The following TEX15 variants were observed in gnomAD, a reference collection of about 807,000 sequenced individuals.
The protein encoded by TEX15 is testis-expressed protein 15.
Under a neutral mutation model 237.3 loss-of-function variants are expected in TEX15, and 171 were observed. The ratio of observed to expected loss-of-function variants is 0.72; its 90% CI spans 0.64 to 0.82. The LOEUF is 0.82. Ranked by LOEUF, TEX15 falls within the 40% of genes least tolerant of loss-of-function variation. The pLI is 0.00. For missense variants in TEX15, 3,750 were observed against 3,646.5 expected (o/e 1.03, Z -0.73); for synonymous variants, 1,338 against 1,269.8 (o/e 1.05, Z -1.14).
chr8:30,899,842 C>T (rs544099871), intron 1 of TEX15, among the ~76,000 whole-genome samples: 1 of 152,224 alleles, frequency 6.6e-6, no homozygotes, highest in East Asian at 1.9e-4. Context: ...ATCCTAATGA[C>T]CTATTATAAT....
At position 30,847,856 on chromosome 8, in the gene TEX15, T is replaced by C. The variant is rs376078759; in HGVS notation, c.2311A>G (p.Ile771Val). 8.7e-6 allele frequency: 14 copies of C among 1,613,842 alleles called. No individual in the cohort carries two copies. Among genetic ancestry groups the C allele is most frequent in the African/African-American group, 5.3e-5 (4 of 74,944 alleles). ...ITEAFPKPKDIPQAKEMFIDT... is the reference protein window; with the variant it reads ...ITEAFPKPKDVPQAKEMFIDT... ...ATGAACATTTCTTTGGCCTGGGGTATGTCTTTTGGTTTCGGGAAAGCTTCA... is the reference window on the plus strand; with the variant it reads ...ATGAACATTTCTTTGGCCTGGGGTACGTCTTTTGGTTTCGGGAAAGCTTCA... Residue 771 changes from isoleucine (I) to valine (V), a missense_variant, in exon 8 of 11, where the codon ATA (isoleucine) becomes GTA (valine). Transcript: ENST00000643185.
At chr8:30,898,072 T>C (rs1476900077) in intron 2 of TEX15, among the ~76,000 whole-genome samples, 4 of 152,344 alleles carry the variant, frequency 2.6e-5, no homozygotes, top group Admixed American at 6.5e-5. Context: ...AAATTAGTTA[T>C]TGAAAGTGTC....
intron 1 of TEX15, among the ~76,000 whole-genome samples, chr8:30,901,080 A>G (rs1045234011): frequency 6.6e-6 from 1 of 152,194 alleles, no homozygotes. Context: ...CAAGGCTGCA[A>G]TGAGCTGTGT....
Position 30,842,024 on chromosome 8 carries a change from A to C in TEX15, c.8143T>G (p.Ser2715Ala), listed in dbSNP as rs201948927. ...CATACCTTTAGCTTTTTACAACTGGAAACAGTAGTATCTTGCTGTTGTTCC... is the reference window on the plus strand; with the variant it reads ...CATACCTTTAGCTTTTTACAACTGGCAACAGTAGTATCTTGCTGTTGTTCC... ...SQEQQQDTTVSSCKKLKVDMK... is the reference protein window; with the variant it reads ...SQEQQQDTTVASCKKLKVDMK... Residue 2715 changes from serine to alanine, a missense_variant, in exon 8 of 11, where the codon TCC (serine) becomes GCC (alanine). By Grantham distance (99) the Ser-to-Ala change is moderately conservative. Coordinates refer to ENST00000643185, the MANE Select transcript of TEX15 (RefSeq NM_001350162.2). 1.4e-5 allele frequency: 22 copies of C among 1,584,466 alleles called. No homozygotes were observed. In the African/African-American group the frequency reaches 2.7e-4, roughly 20 times the overall value.
At chr8:30,880,736 T>C (rs1808502036) in intron 3 of TEX15, among the ~76,000 whole-genome samples, 1 of 151,592 alleles carries the variant, frequency 6.6e-6, no homozygotes, top group Non-Finnish European at 1.5e-5. Context: ...GCTATTTGTG[T>C]TAAAAGTTAA....
At chr8:30,875,262 T>C (rs919884112) in intron 3 of TEX15, among the ~76,000 whole-genome samples, 160 bp from the exon 4 acceptor site, 4 of 152,228 alleles carry the variant, frequency 2.6e-5, no homozygotes, top group African/African-American at 9.6e-5. Flanking sequence ...AACAGTAATG[T>C]AGACCTCCTA....
intron 4 of TEX15, among the ~76,000 whole-genome samples, chr8:30,872,851 AG>A (rs775020945): frequency 2.6e-5 from 4 of 152,214 alleles, no homozygotes; most frequent in African/African-American, 4.8e-5. Context: ...TTATTACAAA[AG>A]GGTCAAAAAG....
chr8:30,852,100 CTTTT>C (rs910989172), intron 7 of TEX15, among the ~76,000 whole-genome samples: 8 of 90,408 alleles, frequency 8.8e-5, no homozygotes, highest in Admixed American at 3.9e-4. Flanking sequence ...TTAATTTAAT[CTTTT>C]TTTTTTTTTT....
chr8:30,865,442 C>T (rs1480669171), intron 5 of TEX15, among the ~76,000 whole-genome samples: 1 of 152,120 alleles, frequency 6.6e-6, no homozygotes, highest in Non-Finnish European at 1.5e-5. Context: ...GGAGGAGATA[C>T]TTCCAAACTC....
Position 30,848,062 on chromosome 8 carries a change from T to C in TEX15, c.2105A>G (p.Asp702Gly). ...KSSTSTIKDKDELDHLALEWQ... is the reference protein window; with the variant it reads ...KSSTSTIKDKGELDHLALEWQ... ...TTCCAATGCTAGATGATCTAGTTCA[T>C]CCTTATCCTTTATGGTAGATGTAGA... The change falls in exon 8 of 11, where the codon GAT becomes GGT. Residue 702 changes from aspartate (D) to glycine (G), a missense_variant. By Grantham distance (94) the Asp-to-Gly change is moderately conservative. Transcript: ENST00000643185. 1.2e-6 allele frequency: 2 copies of C among 1,613,660 alleles called. No homozygotes were observed. The highest frequency in any genetic ancestry group is 3.3e-5 in the Admixed American group (2 of 60,000).
Position 30,909,157 on chromosome 8 carries a change from A to T in TEX15, c.-86+3722T>A. Among the ~76,000 whole-genome samples, 2 of 152,160 alleles carry T rather than the reference A, an allele frequency of 1.3e-5. 1 individual carries two copies. Among genetic ancestry groups the T allele is most frequent in the African/African-American group, 4.8e-5 (2 of 41,448 alleles). ...GACAAACTAGATACTCAAATCAGTT[A>T]TTTTATTAATCATTATCCTAAAAAA... On this transcript the variant is annotated intron_variant, in intron 1 of 10. Transcript: ENST00000643185.
In TEX15 at chr8:30,837,552, A is replaced by C. The variant is rs768480052; in HGVS notation, c.8732T>G (p.Met2911Arg). ...FVKDVHPDLEMNDTVFELQDN... is the reference protein window; with the variant it reads ...FVKDVHPDLERNDTVFELQDN... ...TTGAAGTTCAAAGACTGTGTCATTCATTTCTAGATCAGGATGGACATCTTT... is the reference window on the plus strand; with the variant it reads ...TTGAAGTTCAAAGACTGTGTCATTCCTTTCTAGATCAGGATGGACATCTTT... The change falls in exon 10 of 11, where the codon ATG (methionine) becomes AGG (arginine). Residue 2911 changes from methionine to arginine, a missense_variant. Physicochemically the swap from Met to Arg is moderately conservative, Grantham distance 91 (BLOSUM62 -1). Coordinates refer to ENST00000643185, the MANE Select transcript of TEX15 (RefSeq NM_001350162.2). 6.2e-7 allele frequency: 1 copy of C among 1,614,048 alleles called. No homozygotes were observed. Among genetic ancestry groups the C allele is most frequent in the South Asian group, 1.1e-5 (1 of 91,072 alleles).
chr8:30,871,172 T>G (rs1251302438), intron 4 of TEX15, among the ~76,000 whole-genome samples: 2 of 152,044 alleles, frequency 1.3e-5, no homozygotes, highest in Non-Finnish European at 2.9e-5. Flanking sequence ...AGATAATCAC[T>G]CATCTCCAGG....
At chr8:30,912,718 T>A (rs1011502156) in intron 1 of TEX15, among the ~76,000 whole-genome samples, 161 bp downstream of exon 1, 1 of 152,192 alleles carries the variant, frequency 6.6e-6, no homozygotes, top group Non-Finnish European at 1.5e-5. Flanking sequence ...TTTTAAAAAA[T>A]TTATTATTTT....
intron 8 of TEX15, 67 bp from the exon 9 acceptor site, chr8:30,840,031 T>TAG: frequency 3.2e-6 from 3 of 951,392 alleles, no homozygotes; most frequent in Non-Finnish European, 4.5e-6. Context: ...ATAATTATTA[T>TAG]TTCAATATTA....
At position 30,847,047 on chromosome 8, in the gene TEX15, T is replaced by C. The variant is rs760207784; in HGVS notation, c.3120A>G (p.Glu1040=). The C allele has an allele frequency of 6.2e-7, 1 of 1,612,536 alleles. No individual in the cohort carries two copies. The highest frequency in any genetic ancestry group is 1.3e-5 in the African/African-American group (1 of 74,864). The change falls in exon 8 of 11, where the codon GAA becomes GAG. Residue 1040 remains glutamate, a synonymous_variant. Transcript: ENST00000643185. ...EIDTDKNKSQ[E]SFHQSINENL... is the part of the protein sequence containing the mutation. ...TCTCATTTATTGATTGATGAAATGA[T>C]TCTTGTGATTTATTTTTATCCGTAT...
chr8:30,908,684 C>T (rs1481863286), intron 1 of TEX15, among the ~76,000 whole-genome samples: 2 of 152,200 alleles, frequency 1.3e-5, no homozygotes, highest in East Asian at 3.8e-4. Flanking sequence ...AGCTCTTTCA[C>T]TATTTAGCTA....
intron 9 of TEX15, 137 bp downstream of exon 9, chr8:30,839,769 C>A: frequency 2.0e-6 from 1 of 491,780 alleles, no homozygotes; most frequent in African/African-American, 2.0e-5. Context: ...ATTTCTTTTT[C>A]CTTAGCTTAC....
At chr8:30,871,275 G>A (rs1232353863) in intron 4 of TEX15, among the ~76,000 whole-genome samples, 1 of 152,002 alleles carries the variant, frequency 6.6e-6, no homozygotes, top group Non-Finnish European at 1.5e-5. Context: ...CATCTTTGGG[G>A]AAGCATTATG....
Sources: gnomAD v4.1 joint callset for allele counts (sites outside exome capture counted in the v4.1 genomes callset) on GRCh38, gnomAD v4.1.1 for gene constraint, MANE v1.5 for transcripts, NCBI Gene and HGNC (gene_info 2026-07-23, HGNC 2026-07-21) for gene names.